Variants in MVP observed in about 807,000 individuals in gnomAD.
MVP encodes the protein lung resistance-related protein.
Under a neutral mutation model 83.5 loss-of-function variants are expected in MVP, and 62 were observed. The ratio of observed to expected loss-of-function variants is 0.74; its 90% CI spans 0.61 to 0.92. The LOEUF is 0.92. Ranked by LOEUF, MVP falls within the 40% of genes least tolerant of loss-of-function variation. MVP has a pLI of 0.00. For synonymous variants in MVP, 505 were observed against 504.1 expected (o/e 1.00, Z -0.02); for missense variants, 1,000 against 1,203.4 (o/e 0.83, Z 2.50).
chr16:29,836,866 A>C lies in MVP; in HGVS notation c.817A>C (p.Ile273Leu). 6.2e-7 allele frequency: 1 copy of C among 1,613,996 alleles called. No homozygotes were observed. The highest frequency in any genetic ancestry group is 8.5e-7 in the Non-Finnish European group (1 of 1,179,992). ...VHEEVLGVVP[I>L]TTLGPHNYCV... is the part of the protein sequence containing the mutation. ...CGAGGAGGTGCTGGGGGTTGTGCCC[A>C]TCACCACCCTGGGCCCCCACAACTA... Residue 273 changes from isoleucine to leucine, a missense_variant, in exon 7 of 15, where the codon ATC becomes CTC. Physicochemically the swap from Ile to Leu is conservative, Grantham distance 5. Coordinates refer to ENST00000357402, the MANE Select transcript of MVP (RefSeq NM_005115.5).
intron 3 of MVP, among the ~76,000 whole-genome samples, chr16:29,831,382 G>C (rs1442572328): frequency 6.6e-6 from 1 of 152,076 alleles, no homozygotes; most frequent in Non-Finnish European, 1.5e-5. Context: ...TCAAACTCCC[G>C]ACCCCAGGTG....
chr16:29,823,421 G>C (rs755128308), intron 1 of MVP, among the ~76,000 whole-genome samples: 5 of 152,026 alleles, frequency 3.3e-5, no homozygotes, highest in Non-Finnish European at 7.4e-5. Context: ...GAGCCACCAA[G>C]CCTAGTCAAC....
intron 1 of MVP, among the ~76,000 whole-genome samples, chr16:29,829,321 CAA>C (rs111710389): frequency 7.0e-6 from 1 of 143,036 alleles, no homozygotes. Flanking sequence ...CTCATCTCTC[CAA>C]AAAAAAAAAT....
intron 3 of MVP, among the ~76,000 whole-genome samples, chr16:29,832,119 T>G (rs2067448126): frequency 6.6e-6 from 1 of 152,084 alleles, no homozygotes; most frequent in South Asian, 2.1e-4. Flanking sequence ...TAACCAGTGC[T>G]GCTTGATCCT....
rs957084365 is a variant in MVP, at chr16:29,841,495, G to C, written c.1192-101G>C. ...CCCCGTAGAGAAGGTGTTTAACCTC[G>C]TGGCGCGCCTTCCCTGGATGGGCTC... is the stretch of plus-strand genomic sequence containing the variant. On this transcript the variant is annotated intron_variant, in intron 8 of 14. Coordinates refer to ENST00000357402, the MANE Select transcript of MVP (RefSeq NM_005115.5). This position sits in a 1 kb window ranked among gnomAD's most constrained non-coding sequence, Gnocchi z 4.7. The C allele has an allele frequency of 1.4e-6, 2 of 1,439,600 alleles. No homozygotes were observed. The highest frequency in any genetic ancestry group is 5.2e-5 in the Admixed American group (2 of 38,468). The allele number at this position is 1,439,600 out of a possible 1,614,324, so 89.2% of individuals were successfully genotyped here.
At position 29,841,632 on chromosome 16, in the gene MVP, C is replaced by G. The variant is rs202086704; in HGVS notation, c.1228C>G (p.Gln410Glu). 6.2e-7 allele frequency: 1 copy of G among 1,611,404 alleles called. No homozygotes were observed. Among genetic ancestry groups the G allele is most frequent in the African/African-American group, 1.3e-5 (1 of 74,888 alleles). ...GATTGGAAGCACCTACATGCTGACC[C>G]AGGACGAAGTCCTGTGGGAGAAAGA... ...AVIGSTYMLT[Q>E]DEVLWEKELP... Residue 410 changes from glutamine to glutamate, a missense_variant, in exon 9 of 15, where the codon CAG (glutamine) becomes GAG (glutamate). By Grantham distance (29) the Gln-to-Glu change is conservative (BLOSUM62 2). Transcript: ENST00000357402. This position sits in a 1 kb window ranked among gnomAD's most constrained non-coding sequence, Gnocchi z 4.7.
In MVP at chr16:29,836,963, G is replaced by T. The variant is rs750247309; in HGVS notation, c.909+5G>T. Reference sequence around the variant, plus strand: ...GGGCAGAAGCGCGTGGTCAAGGTGAGGTCCCTACACCCCCACAGAGGACTG... The same window carrying T: ...GGGCAGAAGCGCGTGGTCAAGGTGATGTCCCTACACCCCCACAGAGGACTG... On this transcript the variant is annotated splice_donor_5th_base_variant and intron_variant, in intron 7 of 14. Transcript: ENST00000357402. 1.2e-6 allele frequency: 2 copies of T among 1,606,768 alleles called. No homozygotes were observed. The highest frequency in any genetic ancestry group is 8.5e-7 in the Non-Finnish European group (1 of 1,175,576).
chr16:29,842,561 T>C (rs1186823656), intron 10 of MVP, among the ~76,000 whole-genome samples: 1 of 152,116 alleles, frequency 6.6e-6, no homozygotes, highest in East Asian at 1.9e-4. Flanking sequence ...TGCCTCGGCT[T>C]CCCAAAGTGC....
At chr16:29,824,102 G>C (rs2067386636) in intron 1 of MVP, among the ~76,000 whole-genome samples, 1 of 148,546 alleles carries the variant, frequency 6.7e-6, no homozygotes, top group African/African-American at 2.5e-5. Flanking sequence ...TGTAATCCCA[G>C]CTACTTGGGA....
At chr16:29,846,067 C>G in intron 12 of MVP, 88 bp downstream of exon 12, 1 of 1,607,700 alleles carries the variant, frequency 6.2e-7, no homozygotes, top group African/African-American at 1.3e-5. Context: ...GGTGGGGTGT[C>G]GATGAGACAG....
chr16:29,829,375 A>G (rs1240602854), intron 1 of MVP, among the ~76,000 whole-genome samples: 5 of 145,870 alleles, frequency 3.4e-5, no homozygotes, highest in South Asian at 2.2e-4. Flanking sequence ...TCAGCTACCC[A>G]GGAGGCTGAG....
chr16:29,847,702 C>T, intron 14 of MVP, 60 bp from the exon 15 acceptor site: 1 of 1,516,254 alleles, frequency 6.6e-7, no homozygotes. Context: ...TAAGGAGGGT[C>T]ACTCTGAAGT....
At chr16:29,847,627 C>T (rs188939940) in intron 14 of MVP, 135 bp from the exon 15 acceptor site, 13 of 1,012,644 alleles carry the variant, frequency 1.3e-5, no homozygotes. Flanking sequence ...GTCTGACAGG[C>T]ATTTCCAAGG....
chr16:29,836,531 C>T (rs955917992), intron 6 of MVP, among the ~76,000 whole-genome samples, 191 bp from the exon 7 acceptor site: 5 of 151,084 alleles, frequency 3.3e-5, no homozygotes, highest in African/African-American at 7.3e-5. Context: ...GAGCTGAGAT[C>T]GCACCTTTGC....
In MVP at chr16:29,833,945, C is replaced by A; in HGVS notation, c.456C>A (p.Ile152=). ...ACCTTCCCTCCCCAGGCACGTACAT[C>A]CCCCGGAAGGAAGTGGAGGTCGTGG... ...EWLFEGPGTY[I]PRKEVEVVEI... The change falls in exon 5 of 15, where the codon ATC becomes ATA. Residue 152 remains isoleucine (I), a synonymous_variant. Transcript: ENST00000357402. The A allele has an allele frequency of 6.2e-7, 1 of 1,614,084 alleles. No homozygotes were observed. Among genetic ancestry groups the A allele is most frequent in the Non-Finnish European group, 8.5e-7 (1 of 1,179,996 alleles).
intron 10 of MVP, among the ~76,000 whole-genome samples, chr16:29,844,255 C>T (rs967125514): frequency 2.0e-5 from 3 of 152,160 alleles, no homozygotes; most frequent in African/African-American, 2.4e-5. Flanking sequence ...TTAGCATTCT[C>T]TATTGCGAGA....
chr16:29,823,770 G>C (rs906460326), intron 1 of MVP, among the ~76,000 whole-genome samples: 5 of 151,676 alleles, frequency 3.3e-5, no homozygotes, highest in Admixed American at 6.6e-5. Flanking sequence ...ATGAACCCGG[G>C]AGGCGGAGCT....
intron 1 of MVP, among the ~76,000 whole-genome samples, chr16:29,826,750 G>A (rs1193027998): frequency 6.6e-6 from 1 of 151,356 alleles, no homozygotes; most frequent in East Asian, 1.9e-4. Context: ...GTGAAACCCC[G>A]TCTCTACTAA....
At position 29,835,717 on chromosome 16, in the gene MVP, G is replaced by A; in HGVS notation, c.591G>A (p.Leu197=). The A allele has an allele frequency of 6.2e-7, 1 of 1,613,732 alleles. No individual in the cohort carries two copies. Among genetic ancestry groups the A allele is most frequent in the Non-Finnish European group, 8.5e-7 (1 of 1,179,904 alleles). The change falls in exon 6 of 15, where the codon CTG becomes CTA. Residue 197 remains leucine (L), a synonymous_variant. Coordinates refer to ENST00000357402, the MANE Select transcript of MVP (RefSeq NM_005115.5). Reference sequence around the variant, plus strand: ...CTCTTGGCCCAGGGGAAGAATGGCTGGTCACCACAGTAGGGGCGTACCTCC... The same window carrying A: ...CTCTTGGCCCAGGGGAAGAATGGCTAGTCACCACAGTAGGGGCGTACCTCC... ...GKERVTGEEW[L]VTTVGAYLPA... is the part of the protein sequence containing the mutation.
Sources: gnomAD v4.1 joint callset for allele counts (sites outside exome capture counted in the v4.1 genomes callset) on GRCh38, gnomAD v4.1.1 for gene constraint, Gnocchi (gnomAD v3.1) non-coding constraint, MANE v1.5 for transcripts, NCBI Gene and HGNC (gene_info 2026-07-23, HGNC 2026-07-21) for gene names.